Variants in LPXN observed in about 807,000 individuals in gnomAD.
LPXN encodes the protein leupaxin.
In LPXN, 28 loss-of-function variants were observed where a neutral mutation model predicts 45.6. That is an observed-to-expected ratio of 0.61 (90% CI 0.45 to 0.84). The LOEUF (loss-of-function observed/expected upper bound fraction) is 0.84, where lower values mean the gene tolerates loss of function less well. LPXN is among the 40% of genes least tolerant of loss of function. The probability of loss-of-function intolerance (pLI) is 0.00; values close to 1 mark genes in which losing one functional copy is unlikely to be tolerated. For missense variants in LPXN, 459 were observed against 475.0 expected (o/e 0.97, Z 0.31); for synonymous variants, 166 against 169.9 (o/e 0.98, Z 0.18).
chr11:58,566,116 G>A (rs1337093353), intron 2 of LPXN, among the ~76,000 whole-genome samples: 1 of 150,626 alleles, frequency 6.6e-6, no homozygotes, highest in Admixed American at 6.6e-5. Context: ...ATTGGGATGT[G>A]GACATTTTTC....
upstream of LPXN, among the ~76,000 whole-genome samples, chr11:58,578,666 G>C (rs565998729): frequency 5.3e-5 from 8 of 152,270 alleles, no homozygotes; most frequent in East Asian, 1.5e-3. Flanking sequence ...CTACTTCTGC[G>C]GCCTAAAGAA....
At chr11:58,544,842 A>C (rs1203284764) in intron 7 of LPXN, among the ~76,000 whole-genome samples, 1 of 152,178 alleles carries the variant, frequency 6.6e-6, no homozygotes, top group African/African-American at 2.4e-5. Context: ...AAAAAGAAAC[A>C]CAGGTAGACA....
At chr11:58,554,965 A>G (rs1418615884) in intron 3 of LPXN, 25 bp from the exon 4 acceptor site, 2 of 1,447,854 alleles carry the variant, frequency 1.4e-6, no homozygotes, top group African/African-American at 1.4e-5. Flanking sequence ...CAAAAAAGTC[A>G]TATGAACAAA....
At chr11:58,545,671 T>C (rs1258194452) in intron 7 of LPXN, among the ~76,000 whole-genome samples, 1 of 152,166 alleles carries the variant, frequency 6.6e-6, no homozygotes, top group Non-Finnish European at 1.5e-5. Context: ...AAATAAAGCA[T>C]ATCGTGTTGG....
chr11:58,556,860 C>A (rs1474522027), intron 3 of LPXN, among the ~76,000 whole-genome samples: 2 of 152,056 alleles, frequency 1.3e-5, no homozygotes, highest in East Asian at 3.9e-4. Flanking sequence ...AAAGGAAGAT[C>A]CACATATCCA....
At chr11:58,536,047 A>T (rs1461187919) in intron 7 of LPXN, among the ~76,000 whole-genome samples, 1 of 152,226 alleles carries the variant, frequency 6.6e-6, no homozygotes, top group Admixed American at 6.5e-5. Flanking sequence ...ATGCTTCTGG[A>T]TAGGAAGAAC....
intron 7 of LPXN, 127 bp from the exon 8 acceptor site, chr11:58,528,318 T>C (rs1013938529): frequency 1.2e-6 from 1 of 853,926 alleles, no homozygotes; most frequent in South Asian, 1.7e-5. Flanking sequence ...TGTTACCTAA[T>C]TCAAAGGGTA....
At chr11:58,578,644 A>G (rs1430858819), upstream of LPXN, among the ~76,000 whole-genome samples, 6 of 152,200 alleles carry the variant, frequency 3.9e-5, no homozygotes, top group East Asian at 1.2e-3. Flanking sequence ...TGGAGGCGGA[A>G]GAACGCCCAG....
chr11:58,542,429 C>A (rs1015698900), intron 7 of LPXN, among the ~76,000 whole-genome samples: 15 of 151,524 alleles, frequency 9.9e-5, no homozygotes, highest in African/African-American at 3.1e-4. Context: ...TGGAGAGTCA[C>A]TTGATAATCT....
chr11:58,558,920 A>C (rs1323412977), intron 3 of LPXN, among the ~76,000 whole-genome samples: 1 of 151,980 alleles, frequency 6.6e-6, no homozygotes, highest in Non-Finnish European at 1.5e-5. Flanking sequence ...AATGAAAAAA[A>C]TATTGATACA....
Position 58,528,109 on chromosome 11 carries a change from G to A in LPXN, c.825C>T (p.Arg275=), listed in dbSNP as rs756456336. Residue 275 remains arginine (R), a synonymous_variant, in exon 8 of 9, where the codon CGC becomes CGT. Transcript: ENST00000395074. ...MFSPKCGGCN[R]PVLENYLSAM... The stretch of plus-strand genomic sequence containing the variant: ...CTGAAAGGTAGTTTTCCAACACTGG[G>A]CGATTGCAGCCACCACACTTGGGTG... 6.8e-6 allele frequency: 11 copies of A among 1,614,206 alleles called. No homozygotes were observed. The South Asian group carries it at 1.1e-4, about 16-fold the overall frequency.
chr11:58,532,730 A>G (rs976643172), intron 7 of LPXN, among the ~76,000 whole-genome samples: 3 of 152,326 alleles, frequency 2.0e-5, no homozygotes, highest in Admixed American at 1.3e-4. Flanking sequence ...CTCTCTGTAA[A>G]ATGCACCAAT....
At chr11:58,558,996 T>C (rs2515345) in intron 3 of LPXN, among the ~76,000 whole-genome samples, 1 of 151,772 alleles carries the variant, frequency 6.6e-6, no homozygotes, top group East Asian at 1.9e-4. Flanking sequence ...TTTAAAGAAA[T>C]GTATAAATAA....
Position 58,554,875 on chromosome 11 carries a change from T to A in LPXN, c.284A>T (p.Glu95Val), listed in dbSNP as rs892127248. ...SKTSAAAQLD[E>V]LMAHLTEMQA... is the part of the protein sequence containing the mutation. ...CATCTCAGTCAGGTGAGCCATGAGCTCATCCAACTGAGCAGCTGCTGACGT... is the reference window on the plus strand; with the variant it reads ...CATCTCAGTCAGGTGAGCCATGAGCACATCCAACTGAGCAGCTGCTGACGT... Residue 95 changes from glutamate (E) to valine (V), a missense_variant, in exon 4 of 9, where the codon GAG (glutamate) becomes GTG (valine). By Grantham distance (121) the Glu-to-Val change is moderately radical (BLOSUM62 -2). Coordinates refer to ENST00000395074, the MANE Select transcript of LPXN (RefSeq NM_004811.3). 1.2e-5 allele frequency: 19 copies of A among 1,614,026 alleles called. No homozygotes were observed. In the Middle Eastern group the frequency reaches 6.7e-4, roughly 57 times the overall value.
intron 2 of LPXN, among the ~76,000 whole-genome samples, chr11:58,568,532 G>A (rs774042652): frequency 6.6e-6 from 1 of 151,426 alleles, no homozygotes; most frequent in African/African-American, 2.4e-5. Context: ...GAACCTGGGA[G>A]GCAGAGGTGG....
At chr11:58,539,453 C>T (rs1853650778) in intron 7 of LPXN, among the ~76,000 whole-genome samples, 1 of 151,898 alleles carries the variant, frequency 6.6e-6, no homozygotes, top group South Asian at 2.1e-4. Flanking sequence ...TGGATGATTC[C>T]AAGTATGTGG....
chr11:58,538,204 G>A (rs1853612142), intron 7 of LPXN, among the ~76,000 whole-genome samples: 1 of 152,010 alleles, frequency 6.6e-6, no homozygotes, highest in African/African-American at 2.4e-5. Context: ...CCAAGTCTTT[G>A]CTATTGTGAA....
chr11:58,554,139 G>A (rs1212846428), intron 4 of LPXN: 1 of 152,118 alleles, frequency 6.6e-6, no homozygotes, highest in Admixed American at 6.6e-5. Flanking sequence ...GTGAAACTCC[G>A]TCTCTACTAA....
intron 7 of LPXN, among the ~76,000 whole-genome samples, chr11:58,530,245 G>C (rs1378747675): frequency 6.6e-6 from 1 of 152,210 alleles, no homozygotes; most frequent in Non-Finnish European, 1.5e-5. Context: ...GAGCCAAGTG[G>C]CCTGGCTCGG....
Sources: allele counts gnomAD v4.1 joint callset (sites outside exome capture counted in the v4.1 genomes callset), GRCh38; gene constraint gnomAD v4.1.1; transcripts MANE v1.5; gene names NCBI Gene and HGNC (gene_info 2026-07-23, HGNC 2026-07-21).